The following MTUS2 variants were observed in gnomAD, a reference collection of about 807,000 sequenced individuals.
MTUS2 encodes the protein microtubule associated scaffold protein 2, also known as microtubule-associated tumor suppressor candidate 2.
MTUS2 carries 40 observed loss-of-function variants against 114.1 expected under a neutral mutation model. The observed-to-expected ratio is 0.35, with a 90% CI of 0.27 to 0.46. The LOEUF (loss-of-function observed/expected upper bound fraction) is 0.46. MTUS2 is among the 20% of genes least tolerant of loss of function. The pLI, the probability that MTUS2 is intolerant of heterozygous loss-of-function variation, is 1.00. For missense variants in MTUS2, 1,679 were observed against 1,705.4 expected (o/e 0.98, Z 0.27); for synonymous variants, 688 against 672.0 (o/e 1.02, Z -0.37).
rs546385067 is a variant in MTUS2 at position 29,030,690 on chromosome 13, G to A, written c.2206-3195G>A. Among the ~76,000 whole-genome samples the A allele has an allele frequency of 2.2e-3, 328 of 152,232 alleles. 1 individual carries two copies. Among genetic ancestry groups the A allele is most frequent in the Non-Finnish European group, 3.5e-3 (235 of 68,006 alleles). ...AGGAAAAGAACACATTTTTGATAATGTGTTGCAATGGAAGTATTTTTCAGT... is the reference window on the plus strand; with the variant it reads ...AGGAAAAGAACACATTTTTGATAATATGTTGCAATGGAAGTATTTTTCAGT... On this transcript the variant is annotated intron_variant, in intron 3 of 15. Transcript: ENST00000612955.
At chr13:29,284,191 G>A (rs573726850) in intron 6 of MTUS2, among the ~76,000 whole-genome samples, 3 of 152,264 alleles carry the variant, frequency 2.0e-5, no homozygotes, top group South Asian at 4.1e-4. Context: ...ACAGATTGTG[G>A]TATATCCACA....
At chr13:29,003,157 GT>G (rs1566284253) in intron 2 of MTUS2, among the ~76,000 whole-genome samples, 1 of 152,166 alleles carries the variant, frequency 6.6e-6, no homozygotes, top group African/African-American at 2.4e-5. Context: ...TTGTTTTAAT[GT>G]TTTAATTTAA....
chr13:28,837,423 T>G (rs1350346024), intron 1 of MTUS2, among the ~76,000 whole-genome samples: 2 of 152,202 alleles, frequency 1.3e-5, no homozygotes, highest in East Asian at 3.8e-4. Flanking sequence ...TGGCCGGTGG[T>G]CTGTAGACCC....
At chr13:28,866,298 G>C (rs567807388) in intron 2 of MTUS2, among the ~76,000 whole-genome samples, 2 of 149,286 alleles carry the variant, frequency 1.3e-5, no homozygotes, top group East Asian at 3.9e-4. Flanking sequence ...ACCATAAGCT[G>C]TTTGACTTTT....
intron 3 of MTUS2, among the ~76,000 whole-genome samples, chr13:29,033,148 G>A (rs1184910368): frequency 6.6e-6 from 1 of 152,152 alleles, no homozygotes; most frequent in Non-Finnish European, 1.5e-5. Flanking sequence ...ATTGACTTTA[G>A]CTATGTGCTA....
intron 2 of MTUS2, among the ~76,000 whole-genome samples, chr13:28,951,994 C>T (rs76370212): frequency 0.099 from 15,010 of 151,916 alleles, 945 homozygotes; most frequent in Admixed American, 0.15. Flanking sequence ...GCAGCATGCC[C>T]GCATAACCCA....
rs181146186 is a variant in MTUS2, at chr13:29,420,823, A to C, written c.3118-19160A>C. On this transcript the variant is annotated intron_variant, in intron 8 of 15. Coordinates refer to ENST00000612955, the MANE Select transcript of MTUS2 (RefSeq NM_001033602.4). Reference sequence around the variant, plus strand: ...TCTTATGAGAGTAGTCAGCTCCTCCAAATATACAGAAACTTAAGGAGGCTG... The same window carrying C: ...TCTTATGAGAGTAGTCAGCTCCTCCCAATATACAGAAACTTAAGGAGGCTG... Among the ~76,000 whole-genome samples, 4 of 152,294 alleles carry C rather than the reference A, an allele frequency of 2.6e-5. No homozygotes were observed. In the East Asian group the frequency reaches 7.7e-4, roughly 29 times the overall value.
At chr13:29,384,436 C>T (rs548950380) in intron 8 of MTUS2, among the ~76,000 whole-genome samples, 2 of 152,276 alleles carry the variant, frequency 1.3e-5, no homozygotes, top group Admixed American at 6.5e-5. Context: ...ACCTGGTGCA[C>T]GCATTCATGA....
At chr13:29,352,032 C>G (rs1778855750) in intron 7 of MTUS2, among the ~76,000 whole-genome samples, 1 of 152,178 alleles carries the variant, frequency 6.6e-6, no homozygotes, top group Non-Finnish European at 1.5e-5. Flanking sequence ...ACAACCCCAT[C>G]TGCCTATTCT....
intron 5 of MTUS2, among the ~76,000 whole-genome samples, chr13:29,190,630 A>T (rs1894407760): frequency 6.6e-6 from 1 of 152,214 alleles, no homozygotes; most frequent in Non-Finnish European, 1.5e-5. Context: ...ACATTGTGTT[A>T]GTTAGGTGTG....
chr13:28,870,597 CA>C (rs752490850), intron 2 of MTUS2, among the ~76,000 whole-genome samples: 3 of 152,132 alleles, frequency 2.0e-5, no homozygotes, highest in Non-Finnish European at 4.4e-5. Context: ...ATTAAATTTG[CA>C]GTTGATCAGG....
chr13:29,100,272 C>T (rs1890352546), intron 4 of MTUS2, among the ~76,000 whole-genome samples: 1 of 152,106 alleles, frequency 6.6e-6, no homozygotes, highest in African/African-American at 2.4e-5. Flanking sequence ...CATTCCTGCA[C>T]CCAACAGAAG....
At chr13:29,085,121 T>C (rs974221106) in intron 4 of MTUS2, among the ~76,000 whole-genome samples, 3 of 152,194 alleles carry the variant, frequency 2.0e-5, no homozygotes, top group East Asian at 1.9e-4. Context: ...TTTCTTGCCA[T>C]GTGACATGCA....
At chr13:29,080,105 A>AATT (rs1889375637) in intron 4 of MTUS2, among the ~76,000 whole-genome samples, 2 of 152,300 alleles carry the variant, frequency 1.3e-5, no homozygotes, top group South Asian at 4.1e-4. Context: ...TAAAAGATTT[A>AATT]TACTTCTTTT....
intron 5 of MTUS2, among the ~76,000 whole-genome samples, chr13:29,144,442 C>A (rs1400565018): frequency 6.6e-6 from 1 of 151,774 alleles, no homozygotes; most frequent in Non-Finnish European, 1.5e-5. Context: ...TGGCTCACTG[C>A]ATCCTTGAAG....
intron 4 of MTUS2, among the ~76,000 whole-genome samples, chr13:29,064,771 C>T (rs1399463508): frequency 6.6e-6 from 1 of 152,054 alleles, no homozygotes; most frequent in East Asian, 1.9e-4. Context: ...TTTTTCTGCT[C>T]CTCCCCACCC....
intron 7 of MTUS2, among the ~76,000 whole-genome samples, chr13:29,338,013 C>T (rs1426407236): frequency 3.9e-4 from 58 of 149,364 alleles, no homozygotes; most frequent in Middle Eastern, 7.0e-3. Context: ...AGGATGGTCT[C>T]GATCTCTTGA....
chr13:29,327,578 G>A (rs1004056890), intron 7 of MTUS2, among the ~76,000 whole-genome samples: 29 of 152,094 alleles, frequency 1.9e-4, no homozygotes, highest in African/African-American at 7.0e-4. Flanking sequence ...CATTTTACTA[G>A]TGCGTAGAAT....
chr13:29,075,002 C>A (rs533866684), intron 4 of MTUS2, among the ~76,000 whole-genome samples: 1 of 152,192 alleles, frequency 6.6e-6, no homozygotes, highest in Admixed American at 6.5e-5. Flanking sequence ...AATATACTGT[C>A]GCTCCAGATT....
Sources: allele counts gnomAD v4.1 joint callset (sites outside exome capture counted in the v4.1 genomes callset), GRCh38; gene constraint gnomAD v4.1.1; transcripts MANE v1.5; gene names NCBI Gene and HGNC (gene_info 2026-07-23, HGNC 2026-07-21).